ME3: variants seen among roughly 807,000 people sequenced by gnomAD.
The protein encoded by ME3 is malic enzyme 3, also known as NADP-dependent malic enzyme, mitochondrial.
Under a neutral mutation model 68.9 loss-of-function variants are expected in ME3, and 48 were observed. The observed-to-expected ratio is 0.70, with a 90% CI of 0.55 to 0.89. The LOEUF is 0.89. Ranked by LOEUF, ME3 falls within the 40% of genes least tolerant of loss-of-function variation. The pLI, the probability that ME3 is intolerant of heterozygous loss-of-function variation, is 0.00. For synonymous variants in ME3, 320 were observed against 318.8 expected (o/e 1.00, Z -0.04); for missense variants, 675 against 797.4 (o/e 0.85, Z 1.85).
chr11:86,586,068 A>G (rs1162686257), intron 2 of ME3, among the ~76,000 whole-genome samples: 1 of 152,236 alleles, frequency 6.6e-6, no homozygotes, highest in Non-Finnish European at 1.5e-5. Flanking sequence ...GAAAGTTGTG[A>G]CAAAATGGAA....
At chr11:86,601,519 G>C (rs1565197203) in intron 2 of ME3, among the ~76,000 whole-genome samples, 1 of 152,130 alleles carries the variant, frequency 6.6e-6, no homozygotes, top group Non-Finnish European at 1.5e-5. Context: ...AATTCTACCA[G>C]AGGTACAAGG....
intron 2 of ME3, among the ~76,000 whole-genome samples, chr11:86,564,476 A>AC (rs57989353): frequency 0.059 from 8,604 of 145,334 alleles, 400 homozygotes; most frequent in African/African-American, 0.13. Flanking sequence ...AAAAAAAAAA[A>AC]CAGTGTGGGA....
chr11:86,581,640 T>C (rs899944647), intron 2 of ME3, among the ~76,000 whole-genome samples: 1 of 152,138 alleles, frequency 6.6e-6, no homozygotes, highest in Non-Finnish European at 1.5e-5. Context: ...GATGCATACA[T>C]TCATCTGCTT....
chr11:86,569,853 A>G (rs538742187), intron 2 of ME3, among the ~76,000 whole-genome samples: 1 of 152,218 alleles, frequency 6.6e-6, no homozygotes, highest in Non-Finnish European at 1.5e-5. Flanking sequence ...ACCCAGGCCT[A>G]AATATTTCCA....
At chr11:86,617,084 TGAA>T (rs1292797141) in intron 2 of ME3, among the ~76,000 whole-genome samples, 4 of 101,038 alleles carry the variant, frequency 4.0e-5, no homozygotes, top group Non-Finnish European at 7.8e-5. Flanking sequence ...TTTTTAAAGA[TGAA>T]GAACAAGCGA....
chr11:86,598,177 G>C (rs1373180964), intron 2 of ME3, among the ~76,000 whole-genome samples: 1 of 152,206 alleles, frequency 6.6e-6, no homozygotes. Flanking sequence ...AAGGGGTCAG[G>C]GAGTTCCCTT....
chr11:86,599,863 T>A (rs1960281964), intron 2 of ME3, among the ~76,000 whole-genome samples: 1 of 151,634 alleles, frequency 6.6e-6, no homozygotes, highest in Non-Finnish European at 1.5e-5. Context: ...GCTTCATAAG[T>A]GGAGAAATAA....
intron 4 of ME3, among the ~76,000 whole-genome samples, chr11:86,525,511 TAAA>T (rs545938132): frequency 1.4e-5 from 2 of 137,996 alleles, no homozygotes; most frequent in Non-Finnish European, 1.6e-5. Flanking sequence ...CTGAATGGTT[TAAA>T]AAAAAAAAAA....
chr11:86,443,127 AAAC>A (rs1256383089), intron 13 of ME3, among the ~76,000 whole-genome samples: 1 of 152,234 alleles, frequency 6.6e-6, no homozygotes, highest in Non-Finnish European at 1.5e-5. Flanking sequence ...CTGAGGCTTA[AAAC>A]AACATTAAGT....
chr11:86,521,747 T>C (rs1954328556), intron 4 of ME3, among the ~76,000 whole-genome samples: 1 of 152,196 alleles, frequency 6.6e-6, no homozygotes, highest in South Asian at 2.1e-4. Flanking sequence ...GATCTGTAGA[T>C]CCAGTCTACT....
chr11:86,460,779 T>A (rs1287826917), intron 8 of ME3, among the ~76,000 whole-genome samples: 1 of 152,250 alleles, frequency 6.6e-6, no homozygotes, highest in Non-Finnish European at 1.5e-5. Flanking sequence ...TGGCTTGTAG[T>A]CTTAAGTGGC....
Position 86,595,320 on chromosome 11 carries a change from G to GAGAGAGAC in ME3, c.184-35498_184-35497insGTCTCTCT, listed in dbSNP as rs1554996001. On this transcript the variant is annotated intron_variant, in intron 2 of 14. Transcript: ENST00000543262. ...ATATATATATATAGAGAGAGAGAGA[G>GAGAGAGAC]AGAGAGAGAGAGCTTATTATGTATC... Among the ~76,000 whole-genome samples, 271 of 138,654 alleles carry GAGAGAGAC rather than the reference G, an allele frequency of 2.0e-3. 23 individuals are homozygous for GAGAGAGAC. Among genetic ancestry groups the GAGAGAGAC allele is most frequent in the Non-Finnish European group, 2.7e-3 (177 of 65,600 alleles). The allele number at this position is 138,654 out of a possible 152,430, so 91.0% of individuals were successfully genotyped here.
chr11:86,668,331 G>A (rs1946704553), intron 2 of ME3: 1 of 152,190 alleles, frequency 6.6e-6, no homozygotes, highest in African/African-American at 2.4e-5. Context: ...CATTTTACAT[G>A]CTGACCTGAT....
chr11:86,486,158 T>C (rs1951676336), intron 7 of ME3, among the ~76,000 whole-genome samples: 1 of 152,212 alleles, frequency 6.6e-6, no homozygotes, highest in Non-Finnish European at 1.5e-5. Flanking sequence ...TTTTCTGTGC[T>C]CCAAGACTAA....
intron 2 of ME3, among the ~76,000 whole-genome samples, chr11:86,667,019 C>T (rs911467570): frequency 6.6e-6 from 1 of 152,228 alleles, no homozygotes; most frequent in Non-Finnish European, 1.5e-5. Flanking sequence ...AGGGATTCAG[C>T]TGAAATCTGT....
At chr11:86,490,292 T>G (rs992013118) in intron 6 of ME3, among the ~76,000 whole-genome samples, 21 of 152,172 alleles carry the variant, frequency 1.4e-4, no homozygotes, top group African/African-American at 5.1e-4. Flanking sequence ...GGTCCTGGCC[T>G]CCTCTCTCAC....
intron 2 of ME3, chr11:86,622,974 G>A (rs1943439237): frequency 6.6e-6 from 1 of 150,654 alleles, no homozygotes; most frequent in Middle Eastern, 3.4e-3. Flanking sequence ...CATCACTTCT[G>A]TGTCTCAGTT....
At chr11:86,511,773 T>C (rs976900406) in intron 4 of ME3, among the ~76,000 whole-genome samples, 2 of 152,154 alleles carry the variant, frequency 1.3e-5, no homozygotes, top group African/African-American at 2.4e-5. Context: ...ACAAGATTTT[T>C]GACTTCCCTA....
intron 2 of ME3, among the ~76,000 whole-genome samples, chr11:86,669,021 T>G (rs1267574256): frequency 6.6e-6 from 1 of 152,208 alleles, no homozygotes; most frequent in Non-Finnish European, 1.5e-5. Context: ...CATTGTTCTA[T>G]TTAACCTCAG....
Sources: gnomAD v4.1 joint callset for allele counts (sites outside exome capture counted in the v4.1 genomes callset) on GRCh38, gnomAD v4.1.1 for gene constraint, MANE v1.5 for transcripts, NCBI Gene and HGNC (gene_info 2026-07-23, HGNC 2026-07-21) for gene names.